The following TMEM183A variants were observed in gnomAD, a reference collection of about 807,000 sequenced individuals.
TMEM183A encodes the protein transmembrane protein 183A, also known as chromosome 1 open reading frame 37.
TMEM183A carries 21 observed loss-of-function variants against 46.7 expected under a neutral mutation model. The ratio of observed to expected loss-of-function variants is 0.45; its 90% CI spans 0.32 to 0.65. TMEM183A has a LOEUF of 0.65. TMEM183A is among the 30% of genes least tolerant of loss of function. The pLI is 0.04. For missense variants in TMEM183A, 331 were observed against 481.9 expected, an observed-to-expected ratio of 0.69 and a Z score of 2.93; for synonymous variants, 165 against 180.2, an observed-to-expected ratio of 0.92 and a Z score of 0.68.
chr1:203,012,235 TCACACACACACACACACACACA>T (rs56743654), intron 3 of TMEM183A, among the ~76,000 whole-genome samples: 2 of 80,790 alleles, frequency 2.5e-5, no homozygotes, highest in African/African-American at 4.8e-5. Context: ...CCCCACTCCA[TCACACACACACACACACACACA>T]CACACACACA....
At chr1:203,008,355 C>T (rs1231280087) in intron 2 of TMEM183A, among the ~76,000 whole-genome samples, 2 of 151,972 alleles carry the variant, frequency 1.3e-5, no homozygotes, top group African/African-American at 2.4e-5. Flanking sequence ...AGCTTTTATC[C>T]TGCAGGGTTT....
intron 7 of TMEM183A, among the ~76,000 whole-genome samples, chr1:203,021,349 A>G (rs1331424139): frequency 6.6e-6 from 1 of 152,074 alleles, no homozygotes; most frequent in African/African-American, 2.4e-5. Context: ...GATTTTTGCT[A>G]TATCTGAGGT....
chr1:203,016,820 A>C (rs914440977), intron 5 of TMEM183A, among the ~76,000 whole-genome samples: 1 of 152,162 alleles, frequency 6.6e-6, no homozygotes, highest in Non-Finnish European at 1.5e-5. Context: ...CTGATTTGTA[A>C]ATATGTCTAC....
chr1:203,007,415 G>A lies in TMEM183A; in HGVS notation c.-51G>A. 4 of 1,351,974 alleles carry A rather than the reference G, an allele frequency of 3.0e-6. No individual in the cohort carries two copies. The highest frequency in any genetic ancestry group is 3.8e-6 in the Non-Finnish European group (4 of 1,051,190). 83.7% of individuals were successfully genotyped at this position (1,351,974 alleles called of 1,614,324 possible). ...GCCTCCGGTGTGGGATGGCCGCGGA[G>A]CCGGGCGGAGCTGGCTTGCGGCTCC... On this transcript the variant is annotated 5_prime_UTR_variant, in exon 1 of 8. Transcript: ENST00000367242.
Position 203,015,922 on chromosome 1 carries a change from A to C in TMEM183A, c.528-38A>C, listed in dbSNP as rs767679609. The C allele has an allele frequency of 3.7e-6, 6 of 1,600,108 alleles. No homozygotes were observed. In the African/African-American group the frequency reaches 6.7e-5, roughly 18 times the overall value. On this transcript the variant is annotated intron_variant, in intron 4 of 7. Transcript: ENST00000367242. ...AAAACTGACCTAGAGCAGGAGAGACAGGTCACATATTGGTAGGAGTAATGT... is the reference window on the plus strand; with the variant it reads ...AAAACTGACCTAGAGCAGGAGAGACCGGTCACATATTGGTAGGAGTAATGT...
At chr1:203,021,848 T>C (rs1349626905) in intron 7 of TMEM183A, among the ~76,000 whole-genome samples, 1 of 152,200 alleles carries the variant, frequency 6.6e-6, no homozygotes, top group East Asian at 1.9e-4. Context: ...CAGAAATACA[T>C]GAGGTTCCCC....
At chr1:203,017,462 T>C (rs544875882) in intron 5 of TMEM183A, among the ~76,000 whole-genome samples, 1 of 152,318 alleles carries the variant, frequency 6.6e-6, no homozygotes, top group Non-Finnish European at 1.5e-5. Flanking sequence ...CATATTCTTA[T>C]CATTGTCTAT....
At chr1:203,015,756 A>G (rs1011117993) in intron 4 of TMEM183A, 3 of 614,690 alleles carry the variant, frequency 4.9e-6, no homozygotes, top group African/African-American at 3.7e-5. Context: ...GAGGACTTCA[A>G]CTTTAAAAAT....
At chr1:203,009,756 TTACAGGCA>T (rs1656368859) in intron 3 of TMEM183A, among the ~76,000 whole-genome samples, 1 of 152,128 alleles carries the variant, frequency 6.6e-6, no homozygotes, top group Non-Finnish European at 1.5e-5. Context: ...AGTGCTGAGA[TTACAGGCA>T]TAAGCTACCA....
chr1:203,007,432 T>G lies in TMEM183A; in HGVS notation c.-34T>G, dbSNP rs1452095582. On this transcript the variant is annotated 5_prime_UTR_variant, in exon 1 of 8. Transcript: ENST00000367242. ...GCCGCGGAGCCGGGCGGAGCTGGCT[T>G]GCGGCTCCCGGGGCCGGCTCTCCGG... The G allele has an allele frequency of 2.9e-6, 4 of 1,395,178 alleles. No homozygotes were observed. The East Asian group carries it at 1.2e-4, about 40-fold the overall frequency. 86.4% of individuals were successfully genotyped at this position (1,395,178 alleles called of 1,614,324 possible).
At chr1:203,018,976 TAA>T (rs1283449220) in intron 6 of TMEM183A, among the ~76,000 whole-genome samples, 1 of 152,230 alleles carries the variant, frequency 6.6e-6, no homozygotes, top group Non-Finnish European at 1.5e-5. Flanking sequence ...TGTTGGAGAT[TAA>T]GTGTCCACAT....
In TMEM183A at chr1:203,023,101, G is replaced by C; in HGVS notation, c.*61G>C. ...GTAGTCCATTAGTAATCAGATTCCA[G>C]TTTGGACAGGGTGGCTGGATTGTAT... On this transcript the variant is annotated 3_prime_UTR_variant, in exon 8 of 8. Transcript: ENST00000367242. 1 of 978,624 alleles carries C rather than the reference G, an allele frequency of 1.0e-6. No homozygotes were observed. The highest frequency in any genetic ancestry group is 1.5e-6 in the Non-Finnish European group (1 of 668,290). 60.6% of individuals were successfully genotyped at this position (978,624 alleles called of 1,614,324 possible). A position where few individuals can be genotyped will look rare whatever the true frequency, so the allele number is the denominator to read the frequency against.
intron 7 of TMEM183A, 101 bp downstream of exon 7, chr1:203,021,049 A>G: frequency 9.5e-7 from 1 of 1,051,334 alleles, no homozygotes; most frequent in Non-Finnish European, 1.3e-6. Context: ...TTTTTTTTTA[A>G]GAGACGTGGT....
At chr1:203,017,825 C>T in intron 5 of TMEM183A, 4 of 985,916 alleles carry the variant, frequency 4.1e-6, no homozygotes, top group Non-Finnish European at 4.8e-6. Context: ...TAAAGCCAAG[C>T]CCATTAATTT....
At chr1:203,018,829 A>C (rs185279030) in intron 6 of TMEM183A, among the ~76,000 whole-genome samples, 171 of 152,354 alleles carry the variant, frequency 1.1e-3, no homozygotes, top group African/African-American at 4.0e-3. Context: ...CTTTGTCCTC[A>C]CATGGTGGAA....
At chr1:203,008,832 G>T in intron 3 of TMEM183A, 22 bp downstream of exon 3, 1 of 1,572,820 alleles carries the variant, frequency 6.4e-7, no homozygotes, top group Non-Finnish European at 8.6e-7. Context: ...GTTCTCTTTT[G>T]GTTTATTAGA....
At chr1:203,017,602 G>C (rs1216364240) in intron 5 of TMEM183A, among the ~76,000 whole-genome samples, 2 of 152,152 alleles carry the variant, frequency 1.3e-5, no homozygotes, top group African/African-American at 4.8e-5. Flanking sequence ...GAGGGTATGG[G>C]GCCTGCAGTG....
Position 203,018,576 on chromosome 1 carries a change from CTTTG to C in TMEM183A, c.789+19_789+22del, listed in dbSNP as rs759372632. The C allele has an allele frequency of 1.3e-3, 2,123 of 1,611,428 alleles. 3 individuals are homozygous for C. The highest frequency in any genetic ancestry group is 1.3e-3 in the Non-Finnish European group (1,560 of 1,178,900). On this transcript the variant is annotated intron_variant, in intron 6 of 7. Coordinates refer to ENST00000367242, the MANE Select transcript of TMEM183A (RefSeq NM_138391.6). ...TCAAAAAACAGGTACGTGGTCTTCT[CTTTG>C]TTTTTCAGATAATACCTTGTTCTAA...
At chr1:203,007,724 G>A in intron 1 of TMEM183A, 50 bp from the exon 2 acceptor site, 1 of 1,606,248 alleles carries the variant, frequency 6.2e-7, no homozygotes. Context: ...TGGCGGGGAA[G>A]ACGCTGACGA....
Sources: gnomAD v4.1 joint callset for allele counts (sites outside exome capture counted in the v4.1 genomes callset) on GRCh38, gnomAD v4.1.1 for gene constraint, MANE v1.5 for transcripts, NCBI Gene and HGNC (gene_info 2026-07-23, HGNC 2026-07-21) for gene names.